SLC9C1: variants seen among roughly 807,000 people sequenced by gnomAD.
SLC9C1 encodes solute carrier family 9 member C1.
A neutral mutation model predicts 140.9 loss-of-function variants in SLC9C1; 97 were observed. The ratio of observed to expected loss-of-function variants is 0.69; its 90% confidence interval spans 0.58 to 0.82. The LOEUF (loss-of-function observed/expected upper bound fraction) is 0.82. Ranked by LOEUF, SLC9C1 falls within the 40% of genes least tolerant of loss-of-function variation. The pLI, the probability that SLC9C1 is intolerant of heterozygous loss-of-function variation, is 0.00. For synonymous variants in SLC9C1, 440 were observed against 442.6 expected, an observed-to-expected ratio of 0.99 and a Z score of 0.07; for missense variants, 1,340 against 1,389.3, an observed-to-expected ratio of 0.96 and a Z score of 0.56.
chr3:112,248,824 G>A (rs942340749), intron 10 of SLC9C1, among the ~76,000 whole-genome samples: 2 of 151,966 alleles, frequency 1.3e-5, no homozygotes, highest in Non-Finnish European at 2.9e-5. Context: ...CCCTCTATCC[G>A]ATTAAAGTAG....
chr3:112,182,219 A>T lies in SLC9C1; in HGVS notation c.2563T>A (p.Ser855Thr). 6.2e-7 allele frequency: 1 copy of T among 1,606,938 alleles called. No homozygotes were observed. The change falls in exon 21 of 29, where the codon TCT becomes ACT. Residue 855 changes from serine (S) to threonine (T), a missense_variant. Transcript: ENST00000305815. The stretch of plus-strand genomic sequence containing the variant: ...TCAACAGTAAGAGGCCTGATAATAG[A>T]TTGAGAATCAAGCACCTCTTTCTTT... ...AKKKEVLDSQ[S>T]IIRPLTVEEV...
intron 20 of SLC9C1, among the ~76,000 whole-genome samples, chr3:112,191,648 A>C (rs1010495649): frequency 1.3e-5 from 2 of 152,062 alleles, no homozygotes; most frequent in African/African-American, 4.8e-5. Flanking sequence ...ATATTGGTCT[A>C]TAATTTTCTT....
chr3:112,149,543 A>C (rs545029826), intron 28 of SLC9C1, among the ~76,000 whole-genome samples: 1 of 152,044 alleles, frequency 6.6e-6, no homozygotes, highest in African/African-American at 2.4e-5. Context: ...GGGTGCCCCA[A>C]ATGTCTGGAG....
In SLC9C1 at chr3:112,168,966, A is replaced by T; in HGVS notation, c.3148T>A (p.Tyr1050Asn). ...ACAGCTCCATGTATGAGGATAACAT[A>T]GATTAGATTTTCATCATAAATATCA... is the stretch of plus-strand genomic sequence containing the variant. ...KTDIYDENLI[Y>N]VILIHGAVED... is the part of the protein sequence containing the mutation. The change falls in exon 25 of 29, where the codon TAT (tyrosine) becomes AAT (asparagine). Residue 1050 changes from tyrosine (Y) to asparagine (N), a missense_variant. Coordinates refer to ENST00000305815, the MANE Select transcript of SLC9C1 (RefSeq NM_183061.3). 1 of 1,612,344 alleles carries T rather than the reference A, an allele frequency of 6.2e-7. No individual in the cohort carries two copies. Among genetic ancestry groups the T allele is most frequent in the Non-Finnish European group, 8.5e-7 (1 of 1,179,434 alleles).
At chr3:112,293,276 A>T (rs911728296) in intron 1 of SLC9C1, among the ~76,000 whole-genome samples, 40 of 6,256 alleles carry the variant, frequency 6.4e-3, no homozygotes, top group Non-Finnish European at 0.012. Flanking sequence ...ACTCTATTTC[A>T]AATATATATA....
chr3:112,167,110 G>T, intron 26 of SLC9C1, 111 bp downstream of exon 26: 2 of 1,211,474 alleles, frequency 1.7e-6, no homozygotes, highest in Non-Finnish European at 1.1e-6. Flanking sequence ...GCAGTTAAAA[G>T]GATTCCTCAA....
chr3:112,165,806 G>A lies in SLC9C1; in HGVS notation c.3364+1415C>T, dbSNP rs147585753. Among the ~76,000 whole-genome samples, 744 of 152,328 alleles carry A rather than the reference G, an allele frequency of 4.9e-3. 4 individuals carry two copies. The highest frequency in any genetic ancestry group is 0.017 in the African/African-American group (719 of 41,578). On this transcript the variant is annotated intron_variant, in intron 26 of 28. Coordinates refer to ENST00000305815, the MANE Select transcript of SLC9C1 (RefSeq NM_183061.3). ...CTACTCTCTTCAAAGCTATCAGAGA[G>A]GGACATTTAAGTCTGCAGAGGATTC...
intron 12 of SLC9C1, among the ~76,000 whole-genome samples, chr3:112,239,112 G>A (rs1030969664): frequency 3.9e-5 from 6 of 152,186 alleles, no homozygotes; most frequent in African/African-American, 7.2e-5. Flanking sequence ...CACCCAGTTC[G>A]AGCTTCCTGG....
chr3:112,195,370 C>T (rs2077747914), intron 20 of SLC9C1, among the ~76,000 whole-genome samples: 1 of 152,044 alleles, frequency 6.6e-6, no homozygotes, highest in South Asian at 2.1e-4. Flanking sequence ...AGAAAAAGCA[C>T]ATAGTTGGAT....
intron 12 of SLC9C1, among the ~76,000 whole-genome samples, chr3:112,234,659 G>T (rs1294204787): frequency 6.6e-6 from 1 of 152,144 alleles, no homozygotes. Context: ...TTTGTGTAAG[G>T]CATAAGGAAG....
intron 14 of SLC9C1, among the ~76,000 whole-genome samples, 173 bp downstream of exon 14, chr3:112,220,955 G>A (rs1225310802): frequency 6.6e-6 from 1 of 152,130 alleles, no homozygotes; most frequent in Non-Finnish European, 1.5e-5. Flanking sequence ...ACTGAAAATA[G>A]GTAGTTTGGC....
chr3:112,263,058 C>A lies in SLC9C1; in HGVS notation c.1063G>T (p.Val355Phe). 6.3e-7 allele frequency: 1 copy of A among 1,594,532 alleles called. No homozygotes were observed. Among genetic ancestry groups the A allele is most frequent in the Admixed American group, 1.8e-5 (1 of 55,926 alleles). Residue 355 changes from valine (V) to phenylalanine (F), a missense_variant, in exon 10 of 29, where the codon GTT (valine) becomes TTT (phenylalanine). Transcript: ENST00000305815. Reference protein sequence around the residue: ...LLLISPVLSRVGHEFSWRWIF... With the variant: ...LLLISPVLSRFGHEFSWRWIF... ...CAGCGCCAACTGAACTCATGACCAACTCGAGACAAAACAGGGCTTATTAAA... is the reference window on the plus strand; with the variant it reads ...CAGCGCCAACTGAACTCATGACCAAATCGAGACAAAACAGGGCTTATTAAA...
chr3:112,160,959 A>T (rs1216599324), intron 26 of SLC9C1, among the ~76,000 whole-genome samples: 1 of 152,188 alleles, frequency 6.6e-6, no homozygotes, highest in Non-Finnish European at 1.5e-5. Context: ...AATGATTGCC[A>T]TTCTAACTGG....
intron 6 of SLC9C1, among the ~76,000 whole-genome samples, chr3:112,271,009 G>A (rs1271202857): frequency 1.3e-5 from 2 of 152,104 alleles, no homozygotes; most frequent in African/African-American, 4.8e-5. Context: ...AGGAAGTCTT[G>A]TTATTTACAA....
chr3:112,251,666 C>T lies in SLC9C1; in HGVS notation c.1198-7590G>A, dbSNP rs141652647. 6.3e-3 allele frequency among the ~76,000 whole-genome samples: 963 copies of T among 152,276 alleles called. 1 individual carries two copies. Among genetic ancestry groups the T allele is most frequent in the Non-Finnish European group, 0.01 (711 of 68,000 alleles). ...TCCACCAGTAGCAGCATTACACCTC[C>T]CTGAGACCAAGCTCTGAGAGGGAGG... is the stretch of plus-strand genomic sequence containing the variant. On this transcript the variant is annotated intron_variant, in intron 10 of 28. Transcript: ENST00000305815.
chr3:112,261,593 T>C (rs2079773496), intron 10 of SLC9C1, among the ~76,000 whole-genome samples: 2 of 152,064 alleles, frequency 1.3e-5, no homozygotes, highest in African/African-American at 2.4e-5. Flanking sequence ...GTATTAACTG[T>C]AGGGTTCAGC....
At chr3:112,168,299 G>T (rs575844459) in intron 25 of SLC9C1, among the ~76,000 whole-genome samples, 1 of 145,016 alleles carries the variant, frequency 6.9e-6, no homozygotes, top group East Asian at 2.0e-4. Context: ...GTGCCTCTCT[G>T]ATTCTCCCCC....
At chr3:112,258,849 C>T (rs1038942583) in intron 10 of SLC9C1, among the ~76,000 whole-genome samples, 9 of 152,058 alleles carry the variant, frequency 5.9e-5, no homozygotes, top group African/African-American at 1.2e-4. Flanking sequence ...ACTCAGGAAA[C>T]TTACAATCAC....
intron 17 of SLC9C1, among the ~76,000 whole-genome samples, chr3:112,203,731 A>G (rs562049603): frequency 6.6e-6 from 1 of 152,032 alleles, no homozygotes; most frequent in East Asian, 1.9e-4. Flanking sequence ...CACCCATAAT[A>G]TTTGTTATAG....
Sources: gnomAD v4.1 joint callset for allele counts (sites outside exome capture counted in the v4.1 genomes callset) on GRCh38, gnomAD v4.1.1 for gene constraint, MANE v1.5 for transcripts, NCBI Gene and HGNC (gene_info 2026-07-23, HGNC 2026-07-21) for gene names.